The following RAPGEF5 variants were observed in gnomAD, a reference collection of about 807,000 sequenced individuals.
The protein encoded by RAPGEF5 is M-Ras-regulated GEF.
RAPGEF5 carries 65 observed loss-of-function variants against 125.2 expected under a neutral mutation model. The ratio of observed to expected loss-of-function variants is 0.52; its 90% CI spans 0.43 to 0.64. RAPGEF5 has a LOEUF of 0.64. RAPGEF5 is among the 30% of genes least tolerant of loss of function. The pLI, the probability that RAPGEF5 is intolerant of heterozygous loss-of-function variation, is 0.00. For synonymous variants in RAPGEF5, 391 were observed against 385.9 expected, an observed-to-expected ratio of 1.01 and a Z score of -0.16; for missense variants, 958 against 1,048.1, an observed-to-expected ratio of 0.91 and a Z score of 1.19.
At chr7:22,154,771 T>C (rs1408119976) in intron 16 of RAPGEF5, among the ~76,000 whole-genome samples, 167 bp from the exon 17 acceptor site, 4 of 152,298 alleles carry the variant, frequency 2.6e-5, no homozygotes, top group Non-Finnish European at 5.9e-5. Context: ...CATGAGCACC[T>C]GAGGGTATAC....
At chr7:22,349,422 CAAAAAAAAAA>C (rs34428356) in intron 1 of RAPGEF5, among the ~76,000 whole-genome samples, 37 of 74,992 alleles carry the variant, frequency 4.9e-4, no homozygotes, top group African/African-American at 1.4e-3. Context: ...AGACTCCATC[CAAAAAAAAAA>C]AAAAAAAAAA....
chr7:22,135,889 A>T, intron 23 of RAPGEF5, 149 bp downstream of exon 23: 1 of 602,872 alleles, frequency 1.7e-6, no homozygotes, highest in Non-Finnish European at 2.8e-6. Flanking sequence ...CGGCTATTTG[A>T]AAAACAATCA....
At chr7:22,224,884 C>A (rs1165498228) in intron 8 of RAPGEF5, among the ~76,000 whole-genome samples, 1 of 151,294 alleles carries the variant, frequency 6.6e-6, no homozygotes, top group East Asian at 1.9e-4. Flanking sequence ...CAATAAAAGG[C>A]CGAAATTAAA....
chr7:22,223,916 T>A (rs1785851723), intron 8 of RAPGEF5, among the ~76,000 whole-genome samples: 1 of 152,244 alleles, frequency 6.6e-6, no homozygotes, highest in South Asian at 2.1e-4. Flanking sequence ...AACTATTTTG[T>A]AAAGGGCCAG....
At chr7:22,324,860 G>A (rs1343634574) in intron 1 of RAPGEF5, among the ~76,000 whole-genome samples, 3 of 152,092 alleles carry the variant, frequency 2.0e-5, no homozygotes, top group African/African-American at 7.2e-5. Flanking sequence ...ACATATATTT[G>A]TAAGTTTACT....
intron 8 of RAPGEF5, among the ~76,000 whole-genome samples, chr7:22,225,560 T>A (rs1785898787): frequency 6.6e-6 from 1 of 152,232 alleles, no homozygotes; most frequent in Non-Finnish European, 1.5e-5. Context: ...CCAAACTAGA[T>A]GTTCCTCAGG....
intron 7 of RAPGEF5, among the ~76,000 whole-genome samples, chr7:22,245,818 G>A (rs532541398): frequency 6.6e-6 from 1 of 152,234 alleles, no homozygotes; most frequent in South Asian, 2.1e-4. Context: ...TCTCTTCACT[G>A]ATACGATTCT....
chr7:22,302,941 A>G (rs1783246442), intron 5 of RAPGEF5, among the ~76,000 whole-genome samples: 1 of 152,136 alleles, frequency 6.6e-6, no homozygotes, highest in Non-Finnish European at 1.5e-5. Flanking sequence ...ATAAATGTTA[A>G]CTATTGTGTA....
chr7:22,126,970 C>T (rs1039462289), intron 24 of RAPGEF5, among the ~76,000 whole-genome samples: 8 of 151,840 alleles, frequency 5.3e-5, no homozygotes, highest in Non-Finnish European at 7.4e-5. Flanking sequence ...TTTATATTCA[C>T]GTACAGTCTT....
chr7:22,337,142 T>C (rs1478863426), intron 1 of RAPGEF5, among the ~76,000 whole-genome samples: 1 of 152,062 alleles, frequency 6.6e-6, no homozygotes, highest in Non-Finnish European at 1.5e-5. Context: ...CAAACCAGCC[T>C]CCCTGAAAAT....
chr7:22,348,181 C>A lies in RAPGEF5; in HGVS notation c.231+8649G>T, dbSNP rs1344260057. 2.6e-5 allele frequency among the ~76,000 whole-genome samples: 4 copies of A among 152,146 alleles called. No individual in the cohort carries two copies. The East Asian group carries it at 7.7e-4, about 29-fold the overall frequency. On this transcript the variant is annotated intron_variant, in intron 1 of 25. Transcript: ENST00000665637. ...CAAAATTATGTCTGAATGTGCATTT[C>A]TTTTGCTGTGCTATCTTTTGATTCT...
Position 22,154,382 on chromosome 7 carries a change from A to G in RAPGEF5, c.1786+73T>C, listed in dbSNP as rs1485602363. 3 of 1,540,196 alleles carry G rather than the reference A, an allele frequency of 1.9e-6. 1 individual carries two copies. The highest frequency in any genetic ancestry group is 8.8e-7 in the Non-Finnish European group (1 of 1,137,420). ...AAGGGAGGAGCTGCACTTTTACTCT[A>G]CAAAAATGTCACCTCCCTCCTTTTG... On this transcript the variant is annotated intron_variant, in intron 17 of 25. Transcript: ENST00000665637.
chr7:22,266,273 T>C (rs1037678720), intron 7 of RAPGEF5, among the ~76,000 whole-genome samples: 1 of 152,178 alleles, frequency 6.6e-6, no homozygotes, highest in Admixed American at 6.5e-5. Context: ...TTTCATTCCA[T>C]TCAGCATTGA....
chr7:22,163,967 T>C (rs1784084299), intron 12 of RAPGEF5, among the ~76,000 whole-genome samples: 1 of 152,206 alleles, frequency 6.6e-6, no homozygotes, highest in South Asian at 2.1e-4. Flanking sequence ...ACCTGTGAAA[T>C]AAACTCAGGC....
intron 16 of RAPGEF5, among the ~76,000 whole-genome samples, chr7:22,155,991 C>T (rs190735188): frequency 6.6e-6 from 1 of 152,206 alleles, no homozygotes; most frequent in Non-Finnish European, 1.5e-5. Context: ...TTCTCTTTCA[C>T]TTGGTACGGA....
chr7:22,204,489 A>G (rs942530158), intron 9 of RAPGEF5, among the ~76,000 whole-genome samples: 2 of 152,198 alleles, frequency 1.3e-5, no homozygotes, highest in East Asian at 1.9e-4. Context: ...TGGAACTTCC[A>G]TGAGGGCAAA....
intron 7 of RAPGEF5, among the ~76,000 whole-genome samples, chr7:22,241,050 T>C (rs1055193021): frequency 1.3e-5 from 2 of 152,198 alleles, no homozygotes; most frequent in Admixed American, 6.5e-5. Flanking sequence ...GCCAAGTGGC[T>C]AAGCCAGGAC....
chr7:22,356,533 G>A, intron 1 of RAPGEF5: 1 of 163,434 alleles, frequency 6.1e-6, no homozygotes, highest in East Asian at 1.7e-4. Context: ...CCTCCGAGAA[G>A]AGGCAAACAG....
chr7:22,346,054 T>C (rs568324945), intron 1 of RAPGEF5, among the ~76,000 whole-genome samples: 2 of 152,296 alleles, frequency 1.3e-5, no homozygotes, highest in East Asian at 3.9e-4. Flanking sequence ...CATCTTTCCA[T>C]TTGTCTAAGA....
Sources: allele counts gnomAD v4.1 joint callset (sites outside exome capture counted in the v4.1 genomes callset), GRCh38; gene constraint gnomAD v4.1.1; transcripts MANE v1.5; gene names NCBI Gene and HGNC (gene_info 2026-07-23, HGNC 2026-07-21).